The following MICAL3 variants were observed in gnomAD, a reference collection of about 807,000 sequenced individuals.
MICAL3 encodes microtubule associated monooxygenase, calponin and LIM domain containing 3.
In MICAL3, 62 loss-of-function variants were observed where a neutral mutation model predicts 207.4. The observed-to-expected ratio is 0.30, with a 90% CI of 0.24 to 0.37. The LOEUF (loss-of-function observed/expected upper bound fraction) is 0.37, where lower values mean the gene tolerates loss of function less well. Among genes scored for constraint, MICAL3 ranks in the 10% least tolerant of loss-of-function variants. The pLI is 1.00. For missense variants in MICAL3, 2,368 were observed against 2,635.6 expected, an observed-to-expected ratio of 0.90 and a Z score of 2.22; for synonymous variants, 1,077 against 1,069.3, an observed-to-expected ratio of 1.01 and a Z score of -0.14.
At chr22:17,868,821 G>A (rs951059744) in intron 17 of MICAL3, among the ~76,000 whole-genome samples, 8 of 151,882 alleles carry the variant, frequency 5.3e-5, no homozygotes, top group African/African-American at 1.2e-4. Context: ...TCTGAACACC[G>A]AGAGCCCCCA....
In MICAL3 at chr22:17,818,746, C is replaced by T. The variant is rs1181835014; in HGVS notation, c.3915G>A (p.Lys1305=). ...CAGCAAGGGGGCTGCCCAGTCTGTC[C>T]TTGGTGTCACTTTGGCTTTGGACAG... ...PLPVQSQSDT[K]DRLGSPLAVD... is the part of the protein sequence containing the mutation. The change falls in exon 26 of 32, where the codon AAG becomes AAA. Residue 1305 remains lysine, a synonymous_variant. Transcript: ENST00000441493. 2.5e-6 allele frequency: 4 copies of T among 1,602,686 alleles called. No individual in the cohort carries two copies. Among genetic ancestry groups the T allele is most frequent in the Non-Finnish European group, 3.4e-6 (4 of 1,172,012 alleles).
At chr22:17,973,545 G>A (rs1935513498) in intron 1 of MICAL3, among the ~76,000 whole-genome samples, 1 of 152,218 alleles carries the variant, frequency 6.6e-6, no homozygotes, top group African/African-American at 2.4e-5. Context: ...TGGAACCGGG[G>A]TGGCAGTTCA....
At chr22:17,836,412 TC>T (rs1393239156) in intron 20 of MICAL3, among the ~76,000 whole-genome samples, 12 of 152,130 alleles carry the variant, frequency 7.9e-5, no homozygotes, top group African/African-American at 2.7e-4. Context: ...TAAGGAGAAG[TC>T]GGGATTCCCA....
At chr22:17,979,416 G>A (rs555797454) in intron 1 of MICAL3, among the ~76,000 whole-genome samples, 4 of 151,406 alleles carry the variant, frequency 2.6e-5, no homozygotes, top group African/African-American at 9.7e-5. Flanking sequence ...GTGGTGCTGG[G>A]CGCCTGTAAT....
Position 17,818,104 on chromosome 22 carries a change from C to T in MICAL3, c.4557G>A (p.Glu1519=), listed in dbSNP as rs759963227. 2 of 1,612,634 alleles carry T rather than the reference C, an allele frequency of 1.2e-6. No individual in the cohort carries two copies. Among genetic ancestry groups the T allele is most frequent in the Admixed American group, 1.7e-5 (1 of 59,924 alleles). ...CCTCCACATCATCAGCAAAGGGAAT[C>T]TCCTCCACGCTCTCCACAAACGACT... The part of the protein sequence containing the change: ...VRKSFVESVE[E]IPFADDVEDT... The change falls in exon 26 of 32, where the codon GAG becomes GAA. Residue 1519 remains glutamate, a synonymous_variant. Transcript: ENST00000441493.
At chr22:18,012,135 T>C (rs186645277) in intron 1 of MICAL3, among the ~76,000 whole-genome samples, 1 of 152,152 alleles carries the variant, frequency 6.6e-6, no homozygotes, top group East Asian at 1.9e-4. Context: ...CTCAGGAGGC[T>C]GAGGCAGAAG....
At chr22:17,862,167 G>A in intron 19 of MICAL3, 1 of 985,292 alleles carries the variant, frequency 1.0e-6, no homozygotes, top group Non-Finnish European at 1.2e-6. Flanking sequence ...CTGGTCGAGT[G>A]CACAGTAGAG....
intron 1 of MICAL3, among the ~76,000 whole-genome samples, chr22:17,956,106 G>A (rs1016999629): frequency 6.6e-6 from 1 of 152,356 alleles, no homozygotes; most frequent in South Asian, 2.1e-4. Flanking sequence ...GGGAGCTGCA[G>A]AGGGCACACA....
intron 19 of MICAL3, among the ~76,000 whole-genome samples, chr22:17,855,618 G>A (rs1413085142): frequency 6.6e-6 from 1 of 152,210 alleles, no homozygotes; most frequent in Non-Finnish European, 1.5e-5. Flanking sequence ...TAGAGAAAAT[G>A]AAGAGAAAGT....
Position 17,811,048 on chromosome 22 carries a change from C to G in MICAL3, c.5446-235G>C, listed in dbSNP as rs931229255. On this transcript the variant is annotated intron_variant, in intron 27 of 31. Coordinates refer to ENST00000441493, the MANE Select transcript of MICAL3 (RefSeq NM_015241.3). Reference sequence around the variant, plus strand: ...CTGCAGCAGCCCTCAGTGCCACGGGCACACCTAAGATCCACAGAGTGAGAC... The same window carrying G: ...CTGCAGCAGCCCTCAGTGCCACGGGGACACCTAAGATCCACAGAGTGAGAC... 3 of 496,570 alleles carry G rather than the reference C, an allele frequency of 6.0e-6. No homozygotes were observed. In the South Asian group the frequency reaches 7.0e-5, roughly 12 times the overall value. The allele number at this position is 496,570 out of a possible 1,614,324, so 30.8% of individuals were successfully genotyped here.
intron 1 of MICAL3, among the ~76,000 whole-genome samples, chr22:17,942,521 G>C (rs1209987869): frequency 6.6e-6 from 1 of 152,204 alleles, no homozygotes; most frequent in East Asian, 1.9e-4. Flanking sequence ...AAGTGGCAAT[G>C]ATCATATGTA....
chr22:17,964,911 G>A, intron 1 of MICAL3, among the ~76,000 whole-genome samples: 1 of 152,234 alleles, frequency 6.6e-6, no homozygotes, highest in Non-Finnish European at 1.5e-5. Flanking sequence ...CTGACCGTAA[G>A]CGCACTGCTA....
chr22:18,017,813 C>T lies in MICAL3; in HGVS notation c.-75+6468G>A, dbSNP rs1443791801. Reference sequence around the variant, plus strand: ...TCACCCAGGCTGGAGTGCAGTGGCTCGATCTCCGCTCACTGCAAGCTCCGC... The same window carrying T: ...TCACCCAGGCTGGAGTGCAGTGGCTTGATCTCCGCTCACTGCAAGCTCCGC... On this transcript the variant is annotated intron_variant, in intron 1 of 31. Coordinates refer to ENST00000441493, the MANE Select transcript of MICAL3 (RefSeq NM_015241.3). 4.1e-4 allele frequency among the ~76,000 whole-genome samples: 59 copies of T among 143,846 alleles called. 1 individual carries two copies. Among genetic ancestry groups the T allele is most frequent in the African/African-American group, 1.1e-3 (43 of 38,460 alleles). 94.4% of individuals were successfully genotyped at this position (143,846 alleles called of 152,430 possible).
At chr22:18,018,647 G>C (rs1308678069) in intron 1 of MICAL3, among the ~76,000 whole-genome samples, 1 of 152,250 alleles carries the variant, frequency 6.6e-6, no homozygotes, top group South Asian at 2.1e-4. Context: ...ACTTGAACCT[G>C]GGAGGCGGAG....
intron 20 of MICAL3, among the ~76,000 whole-genome samples, chr22:17,837,011 T>C (rs550831668): frequency 6.6e-6 from 1 of 152,336 alleles, no homozygotes; most frequent in African/African-American, 2.4e-5. Flanking sequence ...CTGCTCATAA[T>C]CAGAGGGACT....
chr22:17,836,342 G>A (rs573581705), intron 20 of MICAL3, among the ~76,000 whole-genome samples: 28 of 152,334 alleles, frequency 1.8e-4, no homozygotes, highest in Admixed American at 6.5e-4. Flanking sequence ...TCTAGGTCAC[G>A]GGGCTGCGCT....
At chr22:17,824,590 T>A (rs1387158076) in intron 22 of MICAL3, among the ~76,000 whole-genome samples, 1 of 152,222 alleles carries the variant, frequency 6.6e-6, no homozygotes, top group Non-Finnish European at 1.5e-5. Context: ...AAGAACTGTA[T>A]GAAACAGGTT....
chr22:17,928,866 C>A (rs1933063897), intron 1 of MICAL3, among the ~76,000 whole-genome samples: 1 of 152,210 alleles, frequency 6.6e-6, no homozygotes, highest in Non-Finnish European at 1.5e-5. Flanking sequence ...GTGATCTCCG[C>A]TCACTGCAAG....
chr22:17,798,705 C>G (rs1270611217), intron 29 of MICAL3, among the ~76,000 whole-genome samples: 48 of 143,916 alleles, frequency 3.3e-4, no homozygotes, highest in African/African-American at 1.2e-3. Flanking sequence ...ACAGAGTCTC[C>G]CTCTGTCACC....
Sources: gnomAD v4.1 joint callset for allele counts (sites outside exome capture counted in the v4.1 genomes callset) on GRCh38, gnomAD v4.1.1 for gene constraint, MANE v1.5 for transcripts, NCBI Gene and HGNC (gene_info 2026-07-23, HGNC 2026-07-21) for gene names.